The following GALNT18 variants were observed in gnomAD, a reference collection of about 807,000 sequenced individuals.
GALNT18 encodes polypeptide N-acetylgalactosaminyltransferase 18.
GALNT18 carries 44 observed loss-of-function variants against 69.5 expected under a neutral mutation model. The ratio of observed to expected loss-of-function variants is 0.63; its 90% CI spans 0.50 to 0.81. The LOEUF is 0.81. Among genes scored for constraint, GALNT18 ranks in the 40% least tolerant of loss-of-function variants. The pLI is 0.00. For missense variants in GALNT18, 715 were observed against 810.0 expected, an observed-to-expected ratio of 0.88 and a Z score of 1.42; for synonymous variants, 364 against 318.2, an observed-to-expected ratio of 1.14 and a Z score of -1.53.
intron 1 of GALNT18, among the ~76,000 whole-genome samples, chr11:11,452,528 G>A (rs553637195): frequency 2.2e-4 from 33 of 152,320 alleles, no homozygotes; most frequent in African/African-American, 7.0e-4. Context: ...AGATGCTGAC[G>A]CCTTCCAGCC....
At position 11,430,766 on chromosome 11, in the gene GALNT18, A is replaced by G. The variant is rs1023982; in HGVS notation, c.595+1855T>C. ...TTCCTTCATAATACCTCTCAGGCCT[A>G]TAACTTCTCCCTGACTCCAGGCCTC... On this transcript the variant is annotated intron_variant, in intron 3 of 10. Transcript: ENST00000227756. The surrounding 1 kb of genome is among the most constrained non-coding windows in gnomAD (Gnocchi z 4.9). Among the ~76,000 whole-genome samples the G allele has an allele frequency of 0.18, 26,740 of 152,118 alleles. 2,428 individuals are homozygous for G. The highest frequency in any genetic ancestry group is 0.28 in the Middle Eastern group (81 of 292).
At chr11:11,425,260 C>T (rs965056050) in intron 3 of GALNT18, among the ~76,000 whole-genome samples, 2 of 152,152 alleles carry the variant, frequency 1.3e-5, no homozygotes, top group Non-Finnish European at 2.9e-5. Context: ...AAGACCGGGT[C>T]CGTGAGCAAA....
At chr11:11,493,747 G>A (rs868462788) in intron 1 of GALNT18, among the ~76,000 whole-genome samples, 10 of 95,760 alleles carry the variant, frequency 1.0e-4, no homozygotes, top group Non-Finnish European at 2.5e-4. Context: ...TTGGAAAGTC[G>A]TGTTTCTGCT....
rs569322951 is a variant in GALNT18, at chr11:11,271,234, G to A, written c.1734C>T (p.Ser578=). ...CCAGCTGGAAGCCGAACTCCAGGTC[G>A]CTATTCTCCTGCAGCTCCAGACAGC... ...SKRCLELQEN[S]DLEFGFQLVL... Residue 578 remains serine, a synonymous_variant, in exon 11 of 11, where the codon AGC becomes AGT. Coordinates refer to ENST00000227756, the MANE Select transcript of GALNT18 (RefSeq NM_198516.3). 1.1e-5 allele frequency: 17 copies of A among 1,614,092 alleles called. No homozygotes were observed. Among genetic ancestry groups the A allele is most frequent in the East Asian group, 4.5e-5 (2 of 44,870 alleles).
chr11:11,390,301 G>A lies in GALNT18; in HGVS notation c.596-11037C>T, dbSNP rs1854156188. ...TTGCACTACCTGCTACCTCCACCTG[G>A]AACATTCTTCTCGCCTCCCCTGTCC... On this transcript the variant is annotated intron_variant, in intron 3 of 10. Transcript: ENST00000227756. 2.6e-5 allele frequency among the ~76,000 whole-genome samples: 4 copies of A among 152,272 alleles called. No individual in the cohort carries two copies. In the South Asian group the frequency reaches 8.3e-4, roughly 32 times the overall value.
At chr11:11,553,153 A>T (rs1858241423) in intron 1 of GALNT18, among the ~76,000 whole-genome samples, 1 of 152,192 alleles carries the variant, frequency 6.6e-6, no homozygotes, top group Non-Finnish European at 1.5e-5. Flanking sequence ...TGGGAAAGCA[A>T]GCCCTCCAGG....
chr11:11,580,471 G>T (rs141543115), intron 1 of GALNT18, among the ~76,000 whole-genome samples: 1 of 152,094 alleles, frequency 6.6e-6, no homozygotes, highest in African/African-American at 2.4e-5. Context: ...CCTCCCTTCC[G>T]CATCCTGCTA....
chr11:11,456,369 G>A (rs1284254238), intron 1 of GALNT18, among the ~76,000 whole-genome samples: 3 of 152,218 alleles, frequency 2.0e-5, no homozygotes, highest in Non-Finnish European at 4.4e-5. Flanking sequence ...CTTGAGGACT[G>A]GAGATACTTC....
At chr11:11,510,151 C>A (rs915324551) in intron 1 of GALNT18, among the ~76,000 whole-genome samples, 1 of 152,208 alleles carries the variant, frequency 6.6e-6, no homozygotes, top group African/African-American at 2.4e-5. Flanking sequence ...ACCACCAAGT[C>A]ACAGAGACCA....
Position 11,341,893 on chromosome 11 carries a change from G to A in GALNT18, c.1093-889C>T, listed in dbSNP as rs1850214752. ...TCTCAGCACTTTGGGAGGCTAAGGT[G>A]GGAGAATCGCTTGAGCCCAGGAGTG... On this transcript the variant is annotated intron_variant, in intron 6 of 10. Transcript: ENST00000227756. The surrounding 1 kb of genome is among the most constrained non-coding windows in gnomAD (Gnocchi z 6.3). Among the ~76,000 whole-genome samples the A allele has an allele frequency of 2.0e-5, 3 of 152,162 alleles. No homozygotes were observed. Among genetic ancestry groups the A allele is most frequent in the South Asian group, 2.1e-4 (1 of 4,820 alleles).
chr11:11,306,571 A>G (rs1016259536), intron 9 of GALNT18, among the ~76,000 whole-genome samples: 5 of 152,262 alleles, frequency 3.3e-5, no homozygotes, highest in African/African-American at 9.6e-5. Flanking sequence ...CAGACCTCAG[A>G]TAGCAATGCC....
chr11:11,353,279 A>T, intron 6 of GALNT18: 1 of 819,864 alleles, frequency 1.2e-6, no homozygotes, highest in Non-Finnish European at 1.9e-6. Flanking sequence ...CTGCTCACAC[A>T]GACAATATGG....
rs1414823427 is a variant in GALNT18, at chr11:11,413,650, G to C, written c.595+18971C>G. ...CACTCTGGGTCTGTGGCTGCACCCG[G>C]GGCCCCAGCATGGAGCAGAGGGAGT... On this transcript the variant is annotated intron_variant, in intron 3 of 10. Transcript: ENST00000227756. The surrounding 1 kb of genome is among the most constrained non-coding windows in gnomAD (Gnocchi z 4.7). Among the ~76,000 whole-genome samples the C allele has an allele frequency of 6.6e-6, 1 of 152,102 alleles. No homozygotes were observed. The highest frequency in any genetic ancestry group is 2.4e-5 in the African/African-American group (1 of 41,420).
Position 11,592,963 on chromosome 11 carries a change from T to C in GALNT18, c.235+28396A>G, listed in dbSNP as rs1241486969. 2.6e-5 allele frequency among the ~76,000 whole-genome samples: 4 copies of C among 152,188 alleles called. No homozygotes were observed. On this transcript the variant is annotated intron_variant, in intron 1 of 10. Coordinates refer to ENST00000227756, the MANE Select transcript of GALNT18 (RefSeq NM_198516.3). The surrounding 1 kb of genome is among the most constrained non-coding windows in gnomAD (Gnocchi z 5.9). ...TTGTTTTTGTCTCTGTCTCCCAGGC[T>C]GGAGTGCAGTGGCGCAATCTCAGCT...
chr11:11,441,876 T>A (rs898328814), intron 2 of GALNT18, among the ~76,000 whole-genome samples: 1 of 152,206 alleles, frequency 6.6e-6, no homozygotes, highest in African/African-American at 2.4e-5. Context: ...TGAACTTTAG[T>A]ATAGTGACAG....
chr11:11,492,193 ATTTCATCCAACAGT>A (rs1419651009), intron 1 of GALNT18, among the ~76,000 whole-genome samples: 9 of 152,214 alleles, frequency 5.9e-5, no homozygotes, highest in Admixed American at 4.6e-4. Flanking sequence ...AAAGGCCACC[ATTTCATCCAACAGT>A]TACTCGTACT....
chr11:11,448,499 T>C (rs187503169), intron 2 of GALNT18, among the ~76,000 whole-genome samples: 3 of 152,210 alleles, frequency 2.0e-5, no homozygotes, highest in African/African-American at 7.2e-5. Flanking sequence ...AACGAGTAAA[T>C]TAAGTTGTTA....
intron 6 of GALNT18, among the ~76,000 whole-genome samples, chr11:11,367,591 C>T (rs1019963006): frequency 2.8e-4 from 43 of 152,276 alleles, no homozygotes; most frequent in African/African-American, 6.3e-4. Flanking sequence ...CTGGACACCA[C>T]GGTGGGGCAC....
intron 10 of GALNT18, among the ~76,000 whole-genome samples, chr11:11,286,532 G>A (rs761459785): frequency 4.6e-5 from 7 of 152,016 alleles, no homozygotes; most frequent in Non-Finnish European, 7.4e-5. Context: ...ATCCGAGGAC[G>A]GTCATTGAGG....
Sources: gnomAD v4.1 joint callset for allele counts (sites outside exome capture counted in the v4.1 genomes callset) on GRCh38, gnomAD v4.1.1 for gene constraint, Gnocchi (gnomAD v3.1) non-coding constraint, MANE v1.5 for transcripts, NCBI Gene and HGNC (gene_info 2026-07-23, HGNC 2026-07-21) for gene names.